Variants in IL1RAPL2 observed in about 807,000 individuals in gnomAD.
The protein encoded by IL1RAPL2 is interleukin 1 receptor accessory protein like 2.
In IL1RAPL2, 3 loss-of-function variants were observed where a neutral mutation model predicts 44.1. The observed-to-expected ratio is 0.07, with a 90% CI of 0.03 to 0.18. IL1RAPL2 has a LOEUF of 0.18. Ranked by LOEUF, IL1RAPL2 falls within the 10% of genes least tolerant of loss-of-function variation. The pLI is 1.00. For missense variants in IL1RAPL2, 391 were observed against 496.4 expected, an observed-to-expected ratio of 0.79 and a Z score of 2.02; for synonymous variants, 181 against 178.8, an observed-to-expected ratio of 1.01 and a Z score of -0.10.
intron 1 of IL1RAPL2, among the ~76,000 whole-genome samples, chrX:104,651,143 A>C (rs1189130969): frequency 8.9e-6 from 1 of 112,125 alleles, no homozygotes; most frequent in Non-Finnish European, 1.9e-5. Context: ...ATTGGTAAAT[A>C]TATGGACTTA....
At chrX:105,105,907 C>T (rs1232270480) in intron 2 of IL1RAPL2, among the ~76,000 whole-genome samples, 1 of 111,452 alleles carries the variant, frequency 9.0e-6, no homozygotes, top group East Asian at 2.8e-4. Context: ...GAAAATCTAC[C>T]CTCAGCTTTG....
At chrX:104,901,097 T>A (rs754451147) in intron 2 of IL1RAPL2, among the ~76,000 whole-genome samples, 94 of 110,984 alleles carry the variant, frequency 8.5e-4, no homozygotes, top group Non-Finnish European at 1.6e-3. Context: ...CCTTTGTTTG[T>A]TCATTCAATA....
At chrX:104,662,483 C>G (rs767772854) in intron 2 of IL1RAPL2, among the ~76,000 whole-genome samples, 1 of 111,809 alleles carries the variant, frequency 8.9e-6, no homozygotes, top group South Asian at 3.8e-4. Flanking sequence ...AAAGCCTACT[C>G]TATCAAAAAC....
intron 5 of IL1RAPL2, among the ~76,000 whole-genome samples, chrX:105,447,014 C>T (rs1260787826): frequency 1.2e-5 from 1 of 82,239 alleles, no homozygotes; most frequent in South Asian, 6.2e-4. Flanking sequence ...TATTTGTCTG[C>T]GAAGGTCTTC....
chrX:105,355,937 A>C (rs2147707826), intron 5 of IL1RAPL2, among the ~76,000 whole-genome samples: 1 of 111,173 alleles, frequency 9.0e-6, no homozygotes, highest in East Asian at 2.8e-4. Context: ...ACAATCTAAG[A>C]AGTTTGGACT....
Position 105,447,087 on chromosome X carries a change from A to ATT in IL1RAPL2, c.698-37225_698-37224insTT, listed in dbSNP as rs1453179178. 4.3e-3 allele frequency among the ~76,000 whole-genome samples: 246 copies of ATT among 56,592 alleles called. 13 individuals carry two copies. The highest frequency in any genetic ancestry group is 0.025 in the African/African-American group (226 of 9,029). The allele number at this position is 56,592 out of a possible 115,157, so 49.1% of individuals were successfully genotyped here. A position where few individuals can be genotyped will look rare whatever the true frequency, so the allele number is the denominator to read the frequency against. ...TATCTGGTTAAAATTATATATATAT[A>ATT]TATATATATATATATATATAAAAAT... On this transcript the variant is annotated intron_variant, in intron 5 of 10. Coordinates refer to ENST00000372582, the MANE Select transcript of IL1RAPL2 (RefSeq NM_017416.2).
chrX:105,344,027 T>G (rs1004383645), intron 5 of IL1RAPL2, among the ~76,000 whole-genome samples: 1 of 111,037 alleles, frequency 9.0e-6, no homozygotes, highest in Non-Finnish European at 1.9e-5. Flanking sequence ...CCTGAATAGC[T>G]GGGATTACAA....
intron 2 of IL1RAPL2, among the ~76,000 whole-genome samples, chrX:105,072,631 ATTC>A (rs1163456796): frequency 9.0e-6 from 1 of 111,062 alleles, no homozygotes; most frequent in East Asian, 2.8e-4. Context: ...GATCACTCTT[ATTC>A]TTTTTTTTTT....
chrX:105,710,655 T>C (rs1416014365), intron 6 of IL1RAPL2, among the ~76,000 whole-genome samples: 2 of 110,177 alleles, frequency 1.8e-5, no homozygotes, highest in African/African-American at 6.6e-5. Flanking sequence ...TTAAACACTG[T>C]ACTACATATT....
chrX:104,603,092 T>C (rs1928920353), intron 1 of IL1RAPL2, among the ~76,000 whole-genome samples: 1 of 111,504 alleles, frequency 9.0e-6, no homozygotes, highest in African/African-American at 3.3e-5. Context: ...GGCTGACATC[T>C]GGCAGGTGAC....
At chrX:104,842,929 G>C (rs942215830) in intron 2 of IL1RAPL2, among the ~76,000 whole-genome samples, 2 of 112,794 alleles carry the variant, frequency 1.8e-5, no homozygotes, top group Admixed American at 1.9e-4. Context: ...TGTGCTGGTA[G>C]AATCTCCTTG....
rs185064615 is a variant in IL1RAPL2, at chrX:105,276,108, A to G, written c.697+8567A>G. 2.2e-3 allele frequency among the ~76,000 whole-genome samples: 245 copies of G among 112,828 alleles called. 1 individual carries two copies. Among genetic ancestry groups the G allele is most frequent in the Non-Finnish European group, 1.9e-3 (104 of 53,380 alleles). On this transcript the variant is annotated intron_variant, in intron 5 of 10. Coordinates refer to ENST00000372582, the MANE Select transcript of IL1RAPL2 (RefSeq NM_017416.2). ...AACCAAATCAGCAGAGGTAGCCGCT[A>G]ACAATACTCAAATGCGGCCAGGCAC... is the stretch of plus-strand genomic sequence containing the variant.
intron 6 of IL1RAPL2, among the ~76,000 whole-genome samples, chrX:105,663,742 A>G (rs1327816749): frequency 6.2e-5 from 7 of 112,123 alleles, no homozygotes; most frequent in African/African-American, 2.3e-4. Context: ...AGCAGAGAAA[A>G]GTCTTGACAT....
intron 2 of IL1RAPL2, among the ~76,000 whole-genome samples, chrX:105,133,718 A>T (rs2033050301): frequency 9.0e-6 from 1 of 111,403 alleles, no homozygotes; most frequent in African/African-American, 3.3e-5. Flanking sequence ...TCTGGTGAGG[A>T]CCTGTTCCTC....
chrX:105,502,860 T>TA (rs371672059), intron 6 of IL1RAPL2, among the ~76,000 whole-genome samples: 11 of 109,378 alleles, frequency 1.0e-4, no homozygotes, highest in Non-Finnish European at 2.1e-4. Flanking sequence ...ATCAGTGCTT[T>TA]AAAAAAAAAT....
intron 2 of IL1RAPL2, among the ~76,000 whole-genome samples, chrX:104,870,211 G>C (rs1922724831): frequency 8.9e-6 from 1 of 112,163 alleles, no homozygotes; most frequent in Non-Finnish European, 1.9e-5. Context: ...TCTGGGCTAA[G>C]CAAAATCTAT....
At chrX:105,171,987 C>T (rs2033427824) in intron 2 of IL1RAPL2, among the ~76,000 whole-genome samples, 1 of 112,374 alleles carries the variant, frequency 8.9e-6, no homozygotes, top group Non-Finnish European at 1.9e-5. Context: ...CCTTCTCTGG[C>T]TCTAGATGGA....
At chrX:105,193,344 A>C (rs1254172920) in intron 2 of IL1RAPL2, among the ~76,000 whole-genome samples, 1 of 111,885 alleles carries the variant, frequency 8.9e-6, no homozygotes, top group Non-Finnish European at 1.9e-5. Context: ...TAGTTTAAAA[A>C]AATATTCCCG....
chrX:104,995,878 G>T (rs1023393623), intron 2 of IL1RAPL2, among the ~76,000 whole-genome samples: 9 of 111,401 alleles, frequency 8.1e-5, no homozygotes, highest in African/African-American at 2.9e-4. Context: ...AACCTGCAGG[G>T]TTCCAAACAA....
Sources: allele counts gnomAD v4.1 joint callset (sites outside exome capture counted in the v4.1 genomes callset), GRCh38; gene constraint gnomAD v4.1.1; transcripts MANE v1.5; gene names NCBI Gene and HGNC (gene_info 2026-07-23, HGNC 2026-07-21).